The following PPM1K variants were observed in gnomAD, a reference collection of about 807,000 sequenced individuals.
PPM1K encodes the protein protein phosphatase Mn(2+)-dependent 1K.
A neutral mutation model predicts 32.6 loss-of-function variants in PPM1K; 19 were observed. The ratio of observed to expected loss-of-function variants is 0.58; its 90% CI spans 0.41 to 0.86. The LOEUF is 0.86. Ranked by LOEUF, PPM1K falls within the 40% of genes least tolerant of loss-of-function variation. PPM1K has a pLI of 0.00. For missense variants in PPM1K, 362 were observed against 461.2 expected (o/e 0.78, Z 1.97); for synonymous variants, 159 against 165.3 (o/e 0.96, Z 0.29).
intron 6 of PPM1K, among the ~76,000 whole-genome samples, chr4:88,263,191 C>T (rs1251326229): frequency 6.6e-6 from 1 of 152,048 alleles, no homozygotes; most frequent in Non-Finnish European, 1.5e-5. Context: ...TAGCCATAAT[C>T]GTAAGAGAAA....
intron 5 of PPM1K, among the ~76,000 whole-genome samples, chr4:88,265,947 T>C (rs1210260545): frequency 2.0e-5 from 3 of 152,342 alleles, no homozygotes; most frequent in Admixed American, 2.0e-4. Context: ...CCTGCCTCTA[T>C]TATCTGGCTG....
At chr4:88,272,548 A>ATCTACCATCT (rs1731605477) in intron 3 of PPM1K, among the ~76,000 whole-genome samples, 2 of 152,198 alleles carry the variant, frequency 1.3e-5, no homozygotes, top group South Asian at 4.1e-4. Context: ...AGTTTGTTCT[A>ATCTACCATCT]AGTGGCTATC....
chr4:88,267,846 G>T (rs1451684930), intron 5 of PPM1K, among the ~76,000 whole-genome samples: 11 of 152,202 alleles, frequency 7.2e-5, no homozygotes, highest in Admixed American at 6.5e-4. Flanking sequence ...CCTTGGAAGA[G>T]AAATACTTTT....
intron 3 of PPM1K, among the ~76,000 whole-genome samples, chr4:88,269,767 A>G (rs1353715950): frequency 6.6e-6 from 1 of 152,208 alleles, no homozygotes; most frequent in African/African-American, 2.4e-5. Flanking sequence ...TCCCACAAAT[A>G]TGAATTTTCT....
Position 88,261,072 on chromosome 4 carries a change from T to C in PPM1K, c.*1523A>G, listed in dbSNP as rs1731097799. 6.6e-6 allele frequency: 1 copy of C among 152,200 alleles called. No homozygotes were observed. Among genetic ancestry groups the C allele is most frequent in the African/African-American group, 2.4e-5 (1 of 41,450 alleles). The allele number at this position is 152,200 out of a possible 1,614,324, so 9.4% of individuals were successfully genotyped here. A position where few individuals can be genotyped will look rare whatever the true frequency, so the allele number is the denominator to read the frequency against. On this transcript the variant is annotated 3_prime_UTR_variant, in exon 7 of 7. Transcript: ENST00000608933. ...TTTAATTTTATATTACTCTAAAATA[T>C]ACATATGTACACATACTCACACATA... is the stretch of plus-strand genomic sequence containing the variant.
At chr4:88,265,388 T>C (rs1453522125) in intron 5 of PPM1K, among the ~76,000 whole-genome samples, 2 of 152,226 alleles carry the variant, frequency 1.3e-5, no homozygotes, top group African/African-American at 2.4e-5. Context: ...GTTTTCATAA[T>C]AGTGAAGTCT....
Position 88,257,991 on chromosome 4 carries a change from T to G in PPM1K, c.*4604A>C, listed in dbSNP as rs1378412764. On this transcript the variant is annotated 3_prime_UTR_variant, in exon 7 of 7. Coordinates refer to ENST00000608933, the MANE Select transcript of PPM1K (RefSeq NM_152542.5). The stretch of plus-strand genomic sequence containing the variant: ...ATCTAACAACCAATGGGAGAGTCAA[T>G]TGTTCTCATCCCAACTGCCAAAAGC... 6.6e-6 allele frequency: 1 copy of G among 152,226 alleles called. No homozygotes were observed. The highest frequency in any genetic ancestry group is 6.5e-5 in the Admixed American group (1 of 15,280). 9.4% of individuals were successfully genotyped at this position (152,226 alleles called of 1,614,324 possible).
chr4:88,281,492 C>T (rs1318766247), intron 1 of PPM1K, among the ~76,000 whole-genome samples: 1 of 152,014 alleles, frequency 6.6e-6, no homozygotes, highest in Non-Finnish European at 1.5e-5. Context: ...TAAAAACCTG[C>T]GTATTTTAAA....
At chr4:88,275,189 G>T in intron 3 of PPM1K, 2 of 584,432 alleles carry the variant, frequency 3.4e-6, no homozygotes, top group Non-Finnish European at 4.3e-6. Context: ...CAAATGAATT[G>T]ATTTTAGTAA....
At chr4:88,265,887 T>G (rs1731282164) in intron 5 of PPM1K, among the ~76,000 whole-genome samples, 1 of 152,220 alleles carries the variant, frequency 6.6e-6, no homozygotes, top group Non-Finnish European at 1.5e-5. Flanking sequence ...GGTAGCTCAA[T>G]GTAATGGTTA....
At position 88,278,286 on chromosome 4, in the gene PPM1K, G is replaced by A. The variant is rs978402796; in HGVS notation, c.298C>T (p.Gln100Ter). The A allele has an allele frequency of 6.2e-7, 1 of 1,614,172 alleles. No individual in the cohort carries two copies. Among genetic ancestry groups the A allele is most frequent in the Non-Finnish European group, 8.5e-7 (1 of 1,180,034 alleles). Residue 100 changes from glutamine (Q) to a stop codon, truncating the protein, a stop_gained, in exon 2 of 7, where the codon CAG (glutamine) becomes TAG (stop). Transcript: ENST00000608933. LOFTEE classifies it high-confidence loss of function. This position sits in a 1 kb window ranked among gnomAD's most constrained non-coding sequence, Gnocchi z 4.2. ...ISLENVGCAS[Q>*]IGKRKENEDR... ...TCATTCTCTTTCCGTTTGCCAATCTGTGAGGCGCACCCCACATTTTCCAAG... is the reference window on the plus strand; with the variant it reads ...TCATTCTCTTTCCGTTTGCCAATCTATGAGGCGCACCCCACATTTTCCAAG...
At chr4:88,268,472 T>G in intron 4 of PPM1K, 138 bp from the exon 5 acceptor site, 1 of 1,013,724 alleles carries the variant, frequency 9.9e-7, no homozygotes, top group East Asian at 2.6e-5. Flanking sequence ...AAACAAAAAA[T>G]TAGCCGAGCG....
rs1206574204 is a variant in PPM1K at position 88,259,610 on chromosome 4, T to G, written c.*2985A>C. ...TTACTATGATTTGCATATTTTCCAG[T>G]ATCCTAATACATGCATACTTATCTT... On this transcript the variant is annotated 3_prime_UTR_variant, in exon 7 of 7. Transcript: ENST00000608933. 6.6e-6 allele frequency: 1 copy of G among 152,230 alleles called. No homozygotes were observed. The allele number at this position is 152,230 out of a possible 1,614,324, so 9.4% of individuals were successfully genotyped here.
In PPM1K at chr4:88,278,577, T is replaced by C. The variant is rs1416460870; in HGVS notation, c.7A>G (p.Thr3Ala). Residue 3 changes from threonine to alanine, a missense_variant, in exon 2 of 7, where the codon ACA (threonine) becomes GCA (alanine). Thr to Ala is a moderately conservative substitution (Grantham distance 58, BLOSUM62 0). Transcript: ENST00000608933. The surrounding 1 kb of genome is among the most constrained non-coding windows in gnomAD (Gnocchi z 4.2). The stretch of plus-strand genomic sequence containing the variant: ...CTGACCAAAGTAATTAAGGCAGCTG[T>C]TGACATAACTCAGCTCCAAAGGACT... The part of the protein sequence containing the change: MS[T>A]AALITLVRSG... The C allele has an allele frequency of 9.3e-6, 15 of 1,604,942 alleles. No homozygotes were observed. Among genetic ancestry groups the C allele is most frequent in the Non-Finnish European group, 1.3e-5 (15 of 1,175,440 alleles).
chr4:88,268,490 A>T (rs574076926), intron 4 of PPM1K, among the ~76,000 whole-genome samples, 156 bp from the exon 5 acceptor site: 4 of 152,118 alleles, frequency 2.6e-5, no homozygotes, highest in Non-Finnish European at 5.9e-5. Flanking sequence ...GCGTGTTGGC[A>T]GGCGCCTGTA....
At chr4:88,280,781 A>G (rs917066474) in intron 1 of PPM1K, among the ~76,000 whole-genome samples, 1 of 152,146 alleles carries the variant, frequency 6.6e-6, no homozygotes, top group East Asian at 1.9e-4. Context: ...CCTGGGAGGC[A>G]GAGGCTGCAG....
At chr4:88,275,443 C>T (rs1209576983) in intron 3 of PPM1K, 12 of 984,874 alleles carry the variant, frequency 1.2e-5, no homozygotes, top group Non-Finnish European at 1.4e-5. Context: ...TTGAGTTATA[C>T]TTCATTCAAT....
intron 1 of PPM1K, among the ~76,000 whole-genome samples, chr4:88,283,117 TTTTC>T (rs1732083806): frequency 6.6e-6 from 1 of 152,162 alleles, no homozygotes. Context: ...CCATGGCTGT[TTTTC>T]TTTTTCTTTC....
intron 6 of PPM1K, among the ~76,000 whole-genome samples, chr4:88,264,210 T>C (rs1049934986): frequency 6.6e-6 from 1 of 152,214 alleles, no homozygotes; most frequent in African/African-American, 2.4e-5. Context: ...TCTAAGCAAA[T>C]AATACTTTTA....
Sources: gnomAD v4.1 joint callset for allele counts (sites outside exome capture counted in the v4.1 genomes callset) on GRCh38, gnomAD v4.1.1 for gene constraint, Gnocchi (gnomAD v3.1) non-coding constraint, MANE v1.5 for transcripts, NCBI Gene and HGNC (gene_info 2026-07-23, HGNC 2026-07-21) for gene names.